The following WDR38 variants were observed in gnomAD, a reference collection of about 807,000 sequenced individuals.
The protein encoded by WDR38 is WD repeat domain 38.
In WDR38, 37 loss-of-function variants were observed where a neutral mutation model predicts 36.6. That is an observed-to-expected ratio of 1.01 (90% CI 0.78 to 1.33). The LOEUF (loss-of-function observed/expected upper bound fraction) is 1.33, where lower values mean the gene tolerates loss of function less well. WDR38 is among the 40% of genes most tolerant of loss of function. The pLI is 0.00. For missense variants in WDR38, 411 were observed against 414.6 expected (o/e 0.99, Z 0.07); for synonymous variants, 164 against 168.1 (o/e 0.98, Z 0.19).
At chr9:124,857,276 C>A in intron 7 of WDR38, 88 bp from the exon 8 acceptor site, 1 of 1,548,338 alleles carries the variant, frequency 6.5e-7, no homozygotes, top group South Asian at 1.1e-5. Flanking sequence ...AGACTCATCT[C>A]ATATTTTGTC....
Position 124,857,377 on chromosome 9 carries a change from A to G in WDR38, c.782A>G (p.Asp261Gly). The change falls in exon 8 of 9, where the codon GAC (aspartate) becomes GGC (glycine). Residue 261 changes from aspartate to glycine, a missense_variant. Transcript: ENST00000373574. ...AGYSRMVKVW[D>G]CNTGKCLETL... ...CTCCTTTTCCAGGTCAAAGTCTGGG[A>G]CTGCAACACAGGAAAGTGCCTTGAG... The G allele has an allele frequency of 6.2e-7, 1 of 1,613,972 alleles. No homozygotes were observed. Among genetic ancestry groups the G allele is most frequent in the Non-Finnish European group, 8.5e-7 (1 of 1,179,994 alleles).
rs541648673 is a variant in WDR38, at chr9:124,857,834, G to C, written c.*204G>C. ...ATCAGACACCTGGTCCCCAAAACCA[G>C]ACCCACCCACCTCCACCCAATCAGT... On this transcript the variant is annotated 3_prime_UTR_variant, in exon 9 of 9. Coordinates refer to ENST00000373574, the MANE Select transcript of WDR38 (RefSeq NM_001045476.3). The C allele has an allele frequency of 5.7e-6, 9 of 1,571,336 alleles. No individual in the cohort carries two copies. Among genetic ancestry groups the C allele is most frequent in the Non-Finnish European group, 7.8e-6 (9 of 1,155,420 alleles).
At position 124,854,203 on chromosome 9, in the gene WDR38, A is replaced by G. The variant is rs1025248502; in HGVS notation, c.70-2A>G. ...ATGGGACCGCTTTTGTGCTGTTTCT[A>G]GGTCAACTCTTCTGCCTTCTCCCCT... On this transcript the variant is annotated splice_acceptor_variant, in intron 1 of 8. Coordinates refer to ENST00000373574, the MANE Select transcript of WDR38 (RefSeq NM_001045476.3). LOFTEE classifies it high-confidence loss of function. The G allele has an allele frequency of 2.5e-6, 4 of 1,613,896 alleles. No individual in the cohort carries two copies. Among genetic ancestry groups the G allele is most frequent in the Non-Finnish European group, 3.4e-6 (4 of 1,179,924 alleles).
chr9:124,856,134 C>T (rs1312601616), intron 4 of WDR38, 106 bp from the exon 5 acceptor site: 13 of 1,559,844 alleles, frequency 8.3e-6, no homozygotes, highest in Non-Finnish European at 1.1e-5. Flanking sequence ...CTTCCTTGCA[C>T]ACAGCAGCCC....
chr9:124,853,988 TCTG>T (rs1315843521), intron 1 of WDR38, among the ~76,000 whole-genome samples: 2 of 152,106 alleles, frequency 1.3e-5, no homozygotes, highest in Non-Finnish European at 2.9e-5. Context: ...GGTTCCAGGC[TCTG>T]GTTCCAGAGA....
intron 1 of WDR38, 128 bp from the exon 2 acceptor site, chr9:124,854,077 T>C (rs540046459): frequency 4.7e-5 from 69 of 1,464,536 alleles, no homozygotes; most frequent in Non-Finnish European, 5.6e-5. Flanking sequence ...GGTTCTGGGC[T>C]CTGGTGGTGG....
intron 7 of WDR38, 147 bp from the exon 8 acceptor site, chr9:124,857,217 T>A: frequency 9.2e-7 from 1 of 1,086,270 alleles, no homozygotes; most frequent in Non-Finnish European, 1.4e-6. Context: ...ATCCCAGCAC[T>A]TTGGGAGGTG....
chr9:124,854,347 G>T, intron 2 of WDR38, 22 bp downstream of exon 2: 1 of 1,612,154 alleles, frequency 6.2e-7, no homozygotes, highest in Non-Finnish European at 8.5e-7. Flanking sequence ...ACACCTGGCC[G>T]GGAAGACCGA....
intron 2 of WDR38, 112 bp from the exon 3 acceptor site, chr9:124,855,522 A>G: frequency 9.3e-7 from 1 of 1,073,390 alleles, no homozygotes; most frequent in Non-Finnish European, 1.4e-6. Flanking sequence ...GGGAAGCTGG[A>G]GTTTGGGTGA....
intron 7 of WDR38, 142 bp downstream of exon 7, chr9:124,857,023 T>C (rs954213025): frequency 1.6e-6 from 2 of 1,250,434 alleles, no homozygotes; most frequent in African/African-American, 3.0e-5. Flanking sequence ...CCAGCCTCTC[T>C]TCCTAATGGC....
chr9:124,857,769 G>A lies in WDR38; in HGVS notation c.*139G>A, dbSNP rs1346449029. 33 of 1,503,710 alleles carry A rather than the reference G, an allele frequency of 2.2e-5. No homozygotes were observed. In the South Asian group the frequency reaches 3.5e-4, roughly 16 times the overall value. 93.1% of individuals were successfully genotyped at this position (1,503,710 alleles called of 1,614,324 possible). ...GGCCAGGACTCTCCAGGCCCCACCA[G>A]AGCAGACAACTGTGGTGGGCAGGAC... On this transcript the variant is annotated 3_prime_UTR_variant, in exon 9 of 9. Coordinates refer to ENST00000373574, the MANE Select transcript of WDR38 (RefSeq NM_001045476.3).
chr9:124,856,474 C>T lies in WDR38; in HGVS notation c.492C>T (p.Thr164=), dbSNP rs563166508. The change falls in exon 6 of 9, where the codon ACC becomes ACT. Residue 164 remains threonine, a synonymous_variant. Coordinates refer to ENST00000373574, the MANE Select transcript of WDR38 (RefSeq NM_001045476.3). ...CTCACAGAAGCTGCCTGCAGGCCAC[C>T]GGCTCCTGGGACTCCACCGTACACA... ...DFSPTVNCLA[T]GSWDSTVHIW... 17 of 1,611,904 alleles carry T rather than the reference C, an allele frequency of 1.1e-5. No homozygotes were observed. The highest frequency in any genetic ancestry group is 6.7e-5 in the Admixed American group (4 of 59,804).
intron 7 of WDR38, 46 bp downstream of exon 7, chr9:124,856,927 C>T: frequency 6.2e-7 from 1 of 1,608,728 alleles, no homozygotes; most frequent in Non-Finnish European, 8.5e-7. Flanking sequence ...CATCCTCACC[C>T]CACCAGGAGC....
At chr9:124,854,164 G>A (rs181477473) in intron 1 of WDR38, 41 bp from the exon 2 acceptor site, 288 of 1,612,470 alleles carry the variant, frequency 1.8e-4, no homozygotes, top group Non-Finnish European at 6.8e-5. Flanking sequence ...GCGGACAGGG[G>A]TTTCTTCCCC....
At chr9:124,855,533 GGGGAGGCT>G in intron 2 of WDR38, 93 bp from the exon 3 acceptor site, 1 of 1,211,766 alleles carries the variant, frequency 8.3e-7, no homozygotes, top group Non-Finnish European at 1.2e-6. Context: ...GTTTGGGTGA[GGGGAGGCT>G]GGCGACGAGG....
Position 124,855,711 on chromosome 9 carries a change from TG to T in WDR38, c.271del (p.Asp91MetfsTer11). The T allele has an allele frequency of 6.2e-7, 1 of 1,613,408 alleles. No individual in the cohort carries two copies. Among genetic ancestry groups the T allele is most frequent in the Non-Finnish European group, 8.5e-7 (1 of 1,180,028 alleles). On this transcript the variant is annotated frameshift_variant, in exon 3 of 9. Coordinates refer to ENST00000373574, the MANE Select transcript of WDR38 (RefSeq NM_001045476.3). LOFTEE classifies it high-confidence loss of function. ...SASCDCTVRL[W>X]DVARAKCLRV... ...CTCCTGTGACTGCACTGTCCGCCTG[TG>T]GGATGTGGCAAGAGCGAAGTGTCTG...
intron 4 of WDR38, 51 bp downstream of exon 4, chr9:124,856,009 G>A (rs780219253): frequency 1.2e-5 from 19 of 1,609,460 alleles, no homozygotes; most frequent in Middle Eastern, 1.7e-4. Flanking sequence ...ACCAGTTCCA[G>A]AGAGGATGTC....
Position 124,853,543 on chromosome 9 carries a change from GGTCCC to G in WDR38, c.14_18del (p.Val5GlyfsTer26). On this transcript the variant is annotated frameshift_variant, in exon 1 of 9. Coordinates refer to ENST00000373574, the MANE Select transcript of WDR38 (RefSeq NM_001045476.3). LOFTEE classifies it high-confidence loss of function. ...GGGGCCGGGTGCCCATGAACAGCGGGGTCCCGGCCACGCTGGCCGTGCGGAGAGTG... is the reference window on the plus strand; with the variant it reads ...GGGGCCGGGTGCCCATGAACAGCGGGGGCCACGCTGGCCGTGCGGAGAGTG... The G allele has an allele frequency of 8.0e-7, 1 of 1,247,894 alleles. No individual in the cohort carries two copies. Among genetic ancestry groups the G allele is most frequent in the African/African-American group, 1.5e-5 (1 of 64,992 alleles). The allele number at this position is 1,247,894 out of a possible 1,614,324, so 77.3% of individuals were successfully genotyped here.
chr9:124,857,859 T>C lies in WDR38; in HGVS notation c.*229T>C. Reference sequence around the variant, plus strand: ...GACCCACCCACCTCCACCCAATCAGTGGAAGTGCCAGGAAACAAAGCAGTC... The same window carrying C: ...GACCCACCCACCTCCACCCAATCAGCGGAAGTGCCAGGAAACAAAGCAGTC... On this transcript the variant is annotated 3_prime_UTR_variant, in exon 9 of 9. Coordinates refer to ENST00000373574, the MANE Select transcript of WDR38 (RefSeq NM_001045476.3). 1.3e-6 allele frequency: 2 copies of C among 1,596,618 alleles called. No homozygotes were observed. The highest frequency in any genetic ancestry group is 1.7e-6 in the Non-Finnish European group (2 of 1,169,472).
Sources: gnomAD v4.1 joint callset for allele counts (sites outside exome capture counted in the v4.1 genomes callset) on GRCh38, gnomAD v4.1.1 for gene constraint, MANE v1.5 for transcripts, NCBI Gene and HGNC (gene_info 2026-07-23, HGNC 2026-07-21) for gene names.